The following PDE8B variants were observed in gnomAD, a reference collection of about 807,000 sequenced individuals.
PDE8B encodes phosphodiesterase 8B.
Under a neutral mutation model 101.3 loss-of-function variants are expected in PDE8B, and 26 were observed. The observed-to-expected ratio is 0.26, with a 90% CI of 0.19 to 0.36. The LOEUF is 0.36. Ranked by LOEUF, PDE8B falls within the 10% of genes least tolerant of loss-of-function variation. The pLI, the probability that PDE8B is intolerant of heterozygous loss-of-function variation, is 1.00. For synonymous variants in PDE8B, 424 were observed against 429.3 expected (o/e 0.99, Z 0.15); for missense variants, 810 against 1,163.1 (o/e 0.70, Z 4.42).
intron 10 of PDE8B, among the ~76,000 whole-genome samples, chr5:77,374,368 A>G (rs1785657189): frequency 6.6e-6 from 1 of 152,106 alleles, no homozygotes. Context: ...CAGCTAATGT[A>G]ATTATTGATA....
the PDE8B span, chr5:77,087,814 G>A: frequency 6.6e-6 from 1 of 152,480 alleles, no homozygotes; most frequent in Non-Finnish European, 1.5e-5. Flanking sequence ...GATATGTAGT[G>A]TTTGCTATTT....
chr5:77,251,265 T>A (rs1758003629), intron 1 of PDE8B, among the ~76,000 whole-genome samples: 1 of 152,252 alleles, frequency 6.6e-6, no homozygotes, highest in African/African-American at 2.4e-5. Flanking sequence ...TGTATTTTTT[T>A]CTCTGGCTGT....
intron 10 of PDE8B, among the ~76,000 whole-genome samples, chr5:77,391,842 G>T (rs925590717): frequency 6.6e-6 from 1 of 152,196 alleles, no homozygotes; most frequent in Non-Finnish European, 1.5e-5. Context: ...GGAGAGAGGC[G>T]TTTTGATTCA....
At chr5:77,300,505 T>G (rs532637894) in intron 1 of PDE8B, among the ~76,000 whole-genome samples, 6 of 152,214 alleles carry the variant, frequency 3.9e-5, no homozygotes, top group Non-Finnish European at 5.9e-5. Context: ...CACCTGCCTG[T>G]AAACAGACTG....
At chr5:77,356,887 C>T (rs1398349614) in intron 10 of PDE8B, among the ~76,000 whole-genome samples, 1 of 152,164 alleles carries the variant, frequency 6.6e-6, no homozygotes, top group East Asian at 1.9e-4. Flanking sequence ...ACCTCACTTG[C>T]CCTTTTGCAG....
chr5:77,227,360 G>T (rs1000530469), intron 1 of PDE8B, among the ~76,000 whole-genome samples: 1 of 151,944 alleles, frequency 6.6e-6, no homozygotes, highest in African/African-American at 2.4e-5. Flanking sequence ...GAGTTTTCTT[G>T]GCTCACAAGT....
the PDE8B span, among the ~76,000 whole-genome samples, chr5:77,161,573 C>A: frequency 6.6e-6 from 1 of 151,940 alleles, no homozygotes; most frequent in African/African-American, 2.4e-5. Flanking sequence ...AGTACAAATC[C>A]TTTTGTGGAC....
the PDE8B span, among the ~76,000 whole-genome samples, chr5:77,179,938 G>C: frequency 6.6e-6 from 1 of 152,066 alleles, no homozygotes; most frequent in South Asian, 2.1e-4. Context: ...ATATGTATAG[G>C]GACCAATATC....
chr5:77,233,708 C>T (rs867069416), intron 1 of PDE8B, among the ~76,000 whole-genome samples: 1 of 136,506 alleles, frequency 7.3e-6, no homozygotes, highest in South Asian at 2.6e-4. Context: ...GTGCAGTAGA[C>T]TTTTGTTGCA....
chr5:77,202,403 C>T, the PDE8B span, among the ~76,000 whole-genome samples: 1 of 152,194 alleles, frequency 6.6e-6, no homozygotes, highest in Non-Finnish European at 1.5e-5. Flanking sequence ...TCTTCCTCCT[C>T]AGCTTACTTA....
chr5:77,095,206 ACT>A, the PDE8B span, among the ~76,000 whole-genome samples: 1 of 152,136 alleles, frequency 6.6e-6, no homozygotes, highest in Admixed American at 6.5e-5. Context: ...TTCTCAAGAC[ACT>A]CTCATAATAA....
chr5:77,426,524 C>CAA lies in PDE8B; in HGVS notation c.2631_2632dup (p.Ser878LysfsTer3), dbSNP rs1256086278. On this transcript the variant is annotated frameshift_variant, in exon 22 of 22. Transcript: ENST00000264917. LOFTEE classifies it high-confidence loss of function. Reference sequence around the variant, plus strand: ...GGAAGACACTAGATGACCTAAAGTGCAAAAGTTTGAGGCTTCCATCTGACA... The same window carrying CAA: ...GGAAGACACTAGATGACCTAAAGTGCAAAAAAGTTTGAGGCTTCCATCTGACA... 1 of 1,612,348 alleles carries CAA rather than the reference C, an allele frequency of 6.2e-7. No homozygotes were observed. The highest frequency in any genetic ancestry group is 8.5e-7 in the Non-Finnish European group (1 of 1,178,464).
At chr5:77,116,204 CTATATATA>C in the PDE8B span, among the ~76,000 whole-genome samples, 123 of 91,092 alleles carry the variant, frequency 1.4e-3, no homozygotes, top group African/African-American at 5.6e-3. Context: ...CCGAGTTCTT[CTATATATA>C]TATATATATA....
chr5:77,307,044 G>A (rs1771379030), intron 1 of PDE8B, among the ~76,000 whole-genome samples: 1 of 152,112 alleles, frequency 6.6e-6, no homozygotes, highest in Admixed American at 6.5e-5. Flanking sequence ...TTAATCCTTT[G>A]CTCAAACACC....
the PDE8B span, among the ~76,000 whole-genome samples, chr5:77,108,608 T>C: frequency 6.6e-6 from 1 of 152,192 alleles, no homozygotes; most frequent in Non-Finnish European, 1.5e-5. Context: ...ACTTAAACTC[T>C]GGAGGTGGAG....
the PDE8B span, among the ~76,000 whole-genome samples, chr5:77,108,987 T>C: frequency 1.3e-5 from 2 of 152,206 alleles, no homozygotes; most frequent in Admixed American, 6.5e-5. Context: ...CCCCAGGCAA[T>C]TGTCAGCCCA....
At chr5:77,302,428 G>A (rs554114609) in intron 1 of PDE8B, among the ~76,000 whole-genome samples, 1 of 152,322 alleles carries the variant, frequency 6.6e-6, no homozygotes, top group South Asian at 2.1e-4. Flanking sequence ...GCACATCACT[G>A]TGTCTAGTGC....
chr5:77,225,880 ACCCCACG>A (rs373196466), intron 1 of PDE8B, among the ~76,000 whole-genome samples: 59 of 100,754 alleles, frequency 5.9e-4, no homozygotes, highest in Admixed American at 1.4e-3. Context: ...ACACACACAC[ACCCCACG>A]CACACATCTC....
chr5:77,210,175 C>T (rs1466818678), upstream of PDE8B, among the ~76,000 whole-genome samples: 1 of 152,180 alleles, frequency 6.6e-6, no homozygotes, highest in Admixed American at 6.5e-5. This position sits in a 1 kb window ranked among gnomAD's most constrained non-coding sequence, Gnocchi z 4.9. Flanking sequence ...GAGAGGCTTA[C>T]ACAGCCCTTC....
Sources: allele counts gnomAD v4.1 joint callset (sites outside exome capture counted in the v4.1 genomes callset), GRCh38; gene constraint gnomAD v4.1.1; non-coding constraint Gnocchi (gnomAD v3.1); transcripts MANE v1.5; gene names NCBI Gene and HGNC (gene_info 2026-07-23, HGNC 2026-07-21).